SLC9A9: variants seen among roughly 807,000 people sequenced by gnomAD.
SLC9A9 encodes sodium/hydrogen exchanger 9.
In SLC9A9, 62 loss-of-function variants were observed where a neutral mutation model predicts 77.8. That is an observed-to-expected ratio of 0.80 (90% CI 0.65 to 0.98). SLC9A9 has a LOEUF of 0.98. Ranked by LOEUF, SLC9A9 falls within the 50% of genes least tolerant of loss-of-function variation. The probability of loss-of-function intolerance (pLI) is 0.00; values close to 1 mark genes in which losing one functional copy is unlikely to be tolerated. For synonymous variants in SLC9A9, 320 were observed against 283.5 expected (o/e 1.13, Z -1.29); for missense variants, 775 against 774.9 (o/e 1.00, Z 0.00).
intron 4 of SLC9A9, among the ~76,000 whole-genome samples, chr3:143,724,969 C>G (rs1387158793): frequency 2.0e-5 from 3 of 152,154 alleles, no homozygotes; most frequent in East Asian, 3.9e-4. Flanking sequence ...AGAGTTTACA[C>G]AAGAGACTAG....
At chr3:143,399,815 G>A (rs1478352069) in intron 12 of SLC9A9, among the ~76,000 whole-genome samples, 1 of 152,064 alleles carries the variant, frequency 6.6e-6, no homozygotes, top group Admixed American at 6.6e-5. Context: ...CCTAAAAGCA[G>A]GGCAGGTAGA....
chr3:143,437,543 C>G (rs554517550), intron 12 of SLC9A9, among the ~76,000 whole-genome samples: 1 of 152,228 alleles, frequency 6.6e-6, no homozygotes, highest in Non-Finnish European at 1.5e-5. Context: ...GACTTTAGTT[C>G]AGAAAACAGC....
chr3:143,824,524 T>C (rs1489195710), intron 2 of SLC9A9, among the ~76,000 whole-genome samples: 1 of 152,214 alleles, frequency 6.6e-6, no homozygotes, highest in African/African-American at 2.4e-5. Context: ...CTTCTCTTCA[T>C]AGCACTTGCC....
chr3:143,320,760 T>C (rs2031390153), intron 14 of SLC9A9, among the ~76,000 whole-genome samples: 1 of 152,172 alleles, frequency 6.6e-6, no homozygotes, highest in Non-Finnish European at 1.5e-5. Context: ...CCCCAAAAGA[T>C]ATGTTCAAGC....
At chr3:143,626,107 C>A (rs2038319504) in intron 6 of SLC9A9, among the ~76,000 whole-genome samples, 1 of 152,178 alleles carries the variant, frequency 6.6e-6, no homozygotes, top group South Asian at 2.1e-4. Context: ...ATTAAAAAGT[C>A]AGGAAACAAC....
At chr3:143,444,439 T>G (rs1418386396) in intron 12 of SLC9A9, among the ~76,000 whole-genome samples, 1 of 152,202 alleles carries the variant, frequency 6.6e-6, no homozygotes, top group East Asian at 1.9e-4. Flanking sequence ...CCTAGGCCAC[T>G]TGGAACAAAT....
At chr3:143,275,874 C>T (rs536768779) in intron 14 of SLC9A9, among the ~76,000 whole-genome samples, 2 of 152,276 alleles carry the variant, frequency 1.3e-5, no homozygotes, top group African/African-American at 4.8e-5. Flanking sequence ...CTATTATTCA[C>T]TTTTACGTGA....
intron 6 of SLC9A9, among the ~76,000 whole-genome samples, chr3:143,633,822 C>T (rs1440354291): frequency 9.9e-5 from 15 of 152,118 alleles, no homozygotes; most frequent in Admixed American, 9.8e-4. Flanking sequence ...AAATATGCTT[C>T]CAATGTTTTT....
chr3:143,379,252 G>T (rs2033247030), intron 13 of SLC9A9, among the ~76,000 whole-genome samples: 1 of 152,144 alleles, frequency 6.6e-6, no homozygotes, highest in African/African-American at 2.4e-5. Context: ...TTGGGGTTAT[G>T]TTACATAATC....
chr3:143,588,677 A>C (rs1216007132), intron 6 of SLC9A9, among the ~76,000 whole-genome samples: 2 of 152,238 alleles, frequency 1.3e-5, no homozygotes, highest in African/African-American at 4.8e-5. Flanking sequence ...GTGGGCTTTG[A>C]GAAATATTCT....
chr3:143,699,324 A>G (rs1246480462), intron 4 of SLC9A9, among the ~76,000 whole-genome samples: 1 of 107,340 alleles, frequency 9.3e-6, no homozygotes, highest in Non-Finnish European at 1.9e-5. Context: ...TTTAACAACT[A>G]TCTACACAAA....
At chr3:143,701,118 A>G (rs1933788530) in intron 4 of SLC9A9, among the ~76,000 whole-genome samples, 1 of 152,252 alleles carries the variant, frequency 6.6e-6, no homozygotes, top group African/African-American at 2.4e-5. Flanking sequence ...CCCCTGATGC[A>G]GATATGGCTT....
chr3:143,785,391 C>A (rs1373907036), intron 4 of SLC9A9, among the ~76,000 whole-genome samples: 1 of 152,112 alleles, frequency 6.6e-6, no homozygotes, highest in African/African-American at 2.4e-5. Context: ...CCCACCTGTG[C>A]CCCCCAGAAC....
chr3:143,606,436 C>CTCTCTCTCTATATATATA (rs1419410834), intron 6 of SLC9A9, among the ~76,000 whole-genome samples: 28 of 54,208 alleles, frequency 5.2e-4, no homozygotes, highest in African/African-American at 1.8e-3. Context: ...CTCTCTCTCT[C>CTCTCTCTCTATATATATA]TATATATATA....
intron 12 of SLC9A9, among the ~76,000 whole-genome samples, chr3:143,457,633 T>C (rs2035117909): frequency 6.6e-6 from 1 of 152,172 alleles, no homozygotes; most frequent in African/African-American, 2.4e-5. Context: ...TTAGCTGTAT[T>C]CCACAAATTT....
At chr3:143,841,116 T>C (rs1315408188) in intron 1 of SLC9A9, among the ~76,000 whole-genome samples, 2 of 152,178 alleles carry the variant, frequency 1.3e-5, no homozygotes, top group Non-Finnish European at 2.9e-5. Flanking sequence ...TACAGCCCTG[T>C]TGATTATCAG....
chr3:143,380,857 T>C (rs567961346), intron 13 of SLC9A9, among the ~76,000 whole-genome samples: 2 of 152,274 alleles, frequency 1.3e-5, no homozygotes, highest in South Asian at 4.1e-4. Context: ...CCAGGAAAAC[T>C]CACCAGTTGT....
chr3:143,555,768 A>T (rs1330195150), intron 8 of SLC9A9, among the ~76,000 whole-genome samples: 1 of 152,202 alleles, frequency 6.6e-6, no homozygotes, highest in East Asian at 1.9e-4. Flanking sequence ...TGCATTGGTT[A>T]TCATTTCCTT....
chr3:143,302,865 T>C (rs1055241480), intron 14 of SLC9A9, among the ~76,000 whole-genome samples: 1 of 152,214 alleles, frequency 6.6e-6, no homozygotes, highest in African/African-American at 2.4e-5. Context: ...TGTTTTCAAA[T>C]TGCATAATCC....
Sources: allele counts gnomAD v4.1 joint callset (sites outside exome capture counted in the v4.1 genomes callset), GRCh38; gene constraint gnomAD v4.1.1; transcripts MANE v1.5; gene names NCBI Gene and HGNC (gene_info 2026-07-23, HGNC 2026-07-21).